Variants in PTGR2 observed in about 807,000 individuals in gnomAD.
The protein encoded by PTGR2 is 15-oxoprostaglandin 13-reductase.
In PTGR2, 32 loss-of-function variants were observed where a neutral mutation model predicts 43.4. That is an observed-to-expected ratio of 0.74 (90% CI 0.56 to 0.99). PTGR2 has a LOEUF of 0.99. PTGR2 is among the 50% of genes least tolerant of loss of function. The pLI is 0.00. For missense variants in PTGR2, 373 were observed against 420.0 expected (o/e 0.89, Z 0.98); for synonymous variants, 106 against 139.2 (o/e 0.76, Z 1.68).
rs139018472 is a variant in PTGR2 at position 73,878,718 on chromosome 14, A to T, written c.520-378A>T. ...ACTCTACGGTGTACTGTGTTGCCAG[A>T]TGATTTTGCCCAGCCATAAGTGTTC... On this transcript the variant is annotated intron_variant, in intron 5 of 9. Transcript: ENST00000555661. The T allele has an allele frequency of 1.3e-3, 484 of 382,502 alleles. 4 individuals are homozygous for T. The highest frequency in any genetic ancestry group is 9.7e-3 in the African/African-American group (451 of 46,548). The allele number at this position is 382,502 out of a possible 1,614,324, so 23.7% of individuals were successfully genotyped here. A position where few individuals can be genotyped will look rare whatever the true frequency, so the allele number is the denominator to read the frequency against.
chr14:73,872,480 T>A (rs532505562), intron 3 of PTGR2, among the ~76,000 whole-genome samples: 5 of 152,316 alleles, frequency 3.3e-5, no homozygotes, highest in Admixed American at 2.0e-4. Context: ...ATCAAAACAC[T>A]ATTTTGTATT....
At chr14:73,867,218 T>C (rs926686996) in intron 3 of PTGR2, among the ~76,000 whole-genome samples, 2 of 152,008 alleles carry the variant, frequency 1.3e-5, no homozygotes, top group African/African-American at 4.8e-5. Context: ...GGCCTTCAGA[T>C]CTGGACTAGA....
intron 3 of PTGR2, among the ~76,000 whole-genome samples, chr14:73,864,821 T>C (rs1255523435): frequency 6.6e-6 from 1 of 152,232 alleles, no homozygotes; most frequent in Non-Finnish European, 1.5e-5. Flanking sequence ...ATCTCTTTTT[T>C]TGTTTGTCAC....
intron 8 of PTGR2, among the ~76,000 whole-genome samples, chr14:73,881,813 T>C (rs971348395): frequency 6.1e-5 from 7 of 114,514 alleles, no homozygotes; most frequent in African/African-American, 2.3e-4. Context: ...AGACGGAGTC[T>C]CACTTTGTCA....
intron 3 of PTGR2, among the ~76,000 whole-genome samples, chr14:73,872,346 T>C (rs2054755510): frequency 6.6e-6 from 1 of 152,188 alleles, no homozygotes; most frequent in Admixed American, 6.5e-5. Context: ...GGAGACAGAA[T>C]TGCTAGCCCA....
chr14:73,873,918 A>G (rs1456681268), intron 3 of PTGR2, 105 bp from the exon 4 acceptor site: 1 of 758,968 alleles, frequency 1.3e-6, no homozygotes, highest in Non-Finnish European at 2.1e-6. Context: ...ATTTTTATGT[A>G]TTGTGTGCAA....
intron 3 of PTGR2, among the ~76,000 whole-genome samples, chr14:73,862,276 C>T (rs889097221): frequency 3.3e-5 from 5 of 151,636 alleles, no homozygotes; most frequent in African/African-American, 7.3e-5. Context: ...GGCGCGATCT[C>T]GGCTCACTGC....
At position 73,880,142 on chromosome 14, in the gene PTGR2, A is replaced by G; in HGVS notation, c.817A>G (p.Ile273Val). The change falls in exon 7 of 10, where the codon ATA (isoleucine) becomes GTA (valine). Residue 273 changes from isoleucine (I) to valine (V), a missense_variant. Coordinates refer to ENST00000555661, the MANE Select transcript of PTGR2 (RefSeq NM_001146154.2). ...TTATCCTCCCCCGCTATCCCCTGCT[A>G]TAGAGGCAATCCAGAAAGAAAGAAA... ...VPYPPPLSPAIEAIQKERNIT... is the reference protein window; with the variant it reads ...VPYPPPLSPAVEAIQKERNIT... 6.2e-7 allele frequency: 1 copy of G among 1,614,010 alleles called. No homozygotes were observed. Among genetic ancestry groups the G allele is most frequent in the Admixed American group, 1.7e-5 (1 of 60,010 alleles).
intron 1 of PTGR2, among the ~76,000 whole-genome samples, chr14:73,853,448 G>A (rs896085191): frequency 6.6e-6 from 1 of 151,948 alleles, no homozygotes; most frequent in Non-Finnish European, 1.5e-5. Context: ...TCAGCCTCCA[G>A]AGTAGCTGGG....
In PTGR2 at chr14:73,885,527, A is replaced by C. The variant is rs2055109688; in HGVS notation, c.*1350A>C. 3 of 152,212 alleles carry C rather than the reference A, an allele frequency of 2.0e-5. No individual in the cohort carries two copies. The highest frequency in any genetic ancestry group is 1.3e-4 in the Admixed American group (2 of 15,276). The allele number at this position is 152,212 out of a possible 1,614,324, so 9.4% of individuals were successfully genotyped here. A position where few individuals can be genotyped will look rare whatever the true frequency, so the allele number is the denominator to read the frequency against. On this transcript the variant is annotated 3_prime_UTR_variant, in exon 10 of 10. Coordinates refer to ENST00000555661, the MANE Select transcript of PTGR2 (RefSeq NM_001146154.2). ...ACTTTTGTATGCAACATTTGTAATA[A>C]GTAGATTCAAACTGTGTTGGTAATC...
In PTGR2 at chr14:73,883,177, CCCTCA is replaced by C. The variant is rs144862966; in HGVS notation, c.979+744_979+748del. Among the ~76,000 whole-genome samples the C allele has an allele frequency of 4.2e-3, 554 of 133,200 alleles. 2 individuals carry two copies. Among genetic ancestry groups the C allele is most frequent in the African/African-American group, 0.015 (509 of 34,888 alleles). The allele number at this position is 133,200 out of a possible 152,430, so 87.4% of individuals were successfully genotyped here. A position where few individuals can be genotyped will look rare whatever the true frequency, so the allele number is the denominator to read the frequency against. ...GCCTCCCCTTCCCTGCCCTTCCCTC[CCCTCA>C]CCTCCCTTTTTTTTTTTTTTTTTTT... On this transcript the variant is annotated intron_variant, in intron 9 of 9. Transcript: ENST00000555661.
chr14:73,871,341 C>CTTTTTTTTTTTTT (rs869073652), intron 3 of PTGR2, among the ~76,000 whole-genome samples: 1 of 67,878 alleles, frequency 1.5e-5, no homozygotes. Context: ...GGCTGTTCAT[C>CTTTTTTTTTTTTT]TTTTTTTTTT....
chr14:73,862,454 G>T (rs1016215380), intron 3 of PTGR2, among the ~76,000 whole-genome samples: 15 of 151,952 alleles, frequency 9.9e-5, no homozygotes, highest in Non-Finnish European at 2.1e-4. Context: ...TGATCCACCC[G>T]CCTCGGCCTC....
chr14:73,863,974 C>T (rs774428999), intron 3 of PTGR2, among the ~76,000 whole-genome samples: 2 of 152,058 alleles, frequency 1.3e-5, no homozygotes, highest in Non-Finnish European at 2.9e-5. Context: ...TGAGACAGCC[C>T]AAGCTGGTCT....
At chr14:73,866,826 C>T (rs1169417146) in intron 3 of PTGR2, among the ~76,000 whole-genome samples, 1 of 151,990 alleles carries the variant, frequency 6.6e-6, no homozygotes. Flanking sequence ...CGGTGTCTCA[C>T]ACCTGTAATC....
intron 4 of PTGR2, among the ~76,000 whole-genome samples, 169 bp downstream of exon 4, chr14:73,874,383 AG>A (rs1480328336): frequency 6.6e-6 from 1 of 152,212 alleles, no homozygotes; most frequent in Non-Finnish European, 1.5e-5. Context: ...TTAGCTGTGT[AG>A]GGAAGTTTAA....
rs776247577 is a variant in PTGR2, at chr14:73,884,288, C to T, written c.*111C>T. 1.6e-4 allele frequency: 105 copies of T among 657,010 alleles called. No individual in the cohort carries two copies. Among genetic ancestry groups the T allele is most frequent in the Non-Finnish European group, 2.6e-4 (100 of 387,270 alleles). 40.7% of individuals were successfully genotyped at this position (657,010 alleles called of 1,614,324 possible). On this transcript the variant is annotated 3_prime_UTR_variant, in exon 10 of 10. Transcript: ENST00000555661. Reference sequence around the variant, plus strand: ...ACATAGCTCTTGATTTAAATGTGATCATAGGTGTTATTTTTAGTTGCATAG... The same window carrying T: ...ACATAGCTCTTGATTTAAATGTGATTATAGGTGTTATTTTTAGTTGCATAG...
rs773753436 is a variant in PTGR2, at chr14:73,874,043, C to G, written c.177C>G (p.Asp59Glu). 1.9e-6 allele frequency: 3 copies of G among 1,608,324 alleles called. No homozygotes were observed. Among genetic ancestry groups the G allele is most frequent in the Non-Finnish European group, 1.7e-6 (2 of 1,178,052 alleles). Residue 59 changes from aspartate to glutamate, a missense_variant, in exon 4 of 10, where the codon GAC becomes GAG. Physicochemically the swap from Asp to Glu is conservative, Grantham distance 45. Transcript: ENST00000555661. Reference protein sequence around the residue: ...DPYMRCRMNEDTGTDYITPWQ... With the variant: ...DPYMRCRMNEETGTDYITPWQ... ...TTCAGCGTTGTAGAATGAATGAAGACACTGGCACTGATTATATAACACCTT... is the reference window on the plus strand; with the variant it reads ...TTCAGCGTTGTAGAATGAATGAAGAGACTGGCACTGATTATATAACACCTT...
intron 3 of PTGR2, among the ~76,000 whole-genome samples, chr14:73,866,384 G>A (rs1323390385): frequency 6.6e-6 from 1 of 151,928 alleles, no homozygotes; most frequent in Non-Finnish European, 1.5e-5. Flanking sequence ...TGATCCTCCC[G>A]CCTCAGCCTC....
Sources: gnomAD v4.1 joint callset for allele counts (sites outside exome capture counted in the v4.1 genomes callset) on GRCh38, gnomAD v4.1.1 for gene constraint, MANE v1.5 for transcripts, NCBI Gene and HGNC (gene_info 2026-07-23, HGNC 2026-07-21) for gene names.